DGKB: variants seen among roughly 807,000 people sequenced by gnomAD.
DGKB encodes the protein diacylglycerol kinase beta, also known as 90 kDa diacylglycerol kinase.
DGKB carries 67 observed loss-of-function variants against 114.3 expected under a neutral mutation model. That is an observed-to-expected ratio of 0.59 (90% CI 0.48 to 0.72). DGKB has a LOEUF of 0.72. Ranked by LOEUF, DGKB falls within the 30% of genes least tolerant of loss-of-function variation. The pLI, the probability that DGKB is intolerant of heterozygous loss-of-function variation, is 0.00. For missense variants in DGKB, 907 were observed against 975.2 expected, an observed-to-expected ratio of 0.93 and a Z score of 0.93; for synonymous variants, 398 against 323.1, an observed-to-expected ratio of 1.23 and a Z score of -2.49.
chr7:14,944,417 A>T (rs1785746804), intron 1 of DGKB, among the ~76,000 whole-genome samples: 1 of 151,980 alleles, frequency 6.6e-6, no homozygotes, highest in African/African-American at 2.4e-5. Context: ...ATCTAGAGTA[A>T]CTAAACATTG....
chr7:14,526,113 A>T (rs1790600088), intron 20 of DGKB, among the ~76,000 whole-genome samples: 1 of 152,190 alleles, frequency 6.6e-6, no homozygotes, highest in South Asian at 2.1e-4. Context: ...AATAATTTCA[A>T]GGAAAAAAAT....
chr7:14,551,644 T>G (rs1213410712), intron 20 of DGKB, among the ~76,000 whole-genome samples: 2 of 152,146 alleles, frequency 1.3e-5, no homozygotes, highest in Non-Finnish European at 2.9e-5. Flanking sequence ...ACAATTTATC[T>G]TGGTGGAAGC....
At chr7:14,263,207 T>A (rs1471425670) in intron 23 of DGKB, among the ~76,000 whole-genome samples, 1 of 152,190 alleles carries the variant, frequency 6.6e-6, no homozygotes, top group Non-Finnish European at 1.5e-5. Flanking sequence ...CCGAGTAAAC[T>A]GTGAGTTTGC....
chr7:14,970,899 C>G (rs1208578588), intron 1 of DGKB, among the ~76,000 whole-genome samples: 1 of 152,144 alleles, frequency 6.6e-6, no homozygotes, highest in East Asian at 1.9e-4. Flanking sequence ...TAGGATGGCA[C>G]AGATACCAGG....
chr7:14,862,751 C>T (rs1210453555), intron 1 of DGKB, among the ~76,000 whole-genome samples: 1 of 152,034 alleles, frequency 6.6e-6, no homozygotes, highest in African/African-American at 2.4e-5. Flanking sequence ...ATCAAGAACG[C>T]TTATAACTTC....
chr7:14,583,076 C>A lies in DGKB; in HGVS notation c.1495G>T (p.Val499Leu). ...CCTATGCAATCCAAAACCCAGCCCA[C>A]GGTTCCATCTCCACCACAGGCTAAC... is the stretch of plus-strand genomic sequence containing the variant. ...RVLACGGDGT[V>L]GWVLDCIEKA... Residue 499 changes from valine (V) to leucine (L), a missense_variant, in exon 18 of 26, where the codon GTG (valine) becomes TTG (leucine). This residue lies in a region of DGKB where 814 missense variants were observed against 856.6 expected (regional missense o/e 0.95). Coordinates refer to ENST00000402815, the MANE Select transcript of DGKB (RefSeq NM_001350709.2). 6.2e-7 allele frequency: 1 copy of A among 1,613,110 alleles called. No individual in the cohort carries two copies. Among genetic ancestry groups the A allele is most frequent in the East Asian group, 2.2e-5 (1 of 44,846 alleles).
At chr7:14,694,025 G>C (rs1240168004) in intron 9 of DGKB, 50 bp downstream of exon 9, 2 of 1,544,214 alleles carry the variant, frequency 1.3e-6, no homozygotes, top group East Asian at 2.4e-5. Context: ...GTGTAATAGA[G>C]AGCCCCACTG....
At chr7:14,777,132 T>C (rs903000616) in intron 2 of DGKB, among the ~76,000 whole-genome samples, 3 of 152,304 alleles carry the variant, frequency 2.0e-5, no homozygotes, top group Admixed American at 2.0e-4. Context: ...CAATTTCTTC[T>C]ATTTGGAAGA....
chr7:14,719,592 G>C (rs1828809383), intron 5 of DGKB, among the ~76,000 whole-genome samples: 1 of 151,886 alleles, frequency 6.6e-6, no homozygotes, highest in Admixed American at 6.6e-5. Context: ...AGGAGCTACT[G>C]TAAGGAATAA....
intron 21 of DGKB, among the ~76,000 whole-genome samples, chr7:14,446,211 G>A (rs942421981): frequency 7.9e-5 from 12 of 152,080 alleles, no homozygotes; most frequent in Admixed American, 6.6e-4. Flanking sequence ...GTAGACCCAA[G>A]AGCCAGACAA....
rs547537194 is a variant in DGKB, at chr7:14,972,888, G to A, written c.-188+1808C>T. Among the ~76,000 whole-genome samples, 80 of 152,168 alleles carry A rather than the reference G, an allele frequency of 5.3e-4. 1 individual carries two copies. The highest frequency in any genetic ancestry group is 1.5e-3 in the African/African-American group (64 of 41,560). On this transcript the variant is annotated intron_variant, in intron 1 of 4. Transcript: ENST00000437998. ...ACAAAGCATGTGAATGTGTGTTTGC[G>A]TATGTGTGTATACATACATATAGGT...
At chr7:14,499,069 T>C (rs1785727049) in intron 20 of DGKB, among the ~76,000 whole-genome samples, 1 of 151,750 alleles carries the variant, frequency 6.6e-6, no homozygotes, top group Non-Finnish European at 1.5e-5. Flanking sequence ...TTCTTAGAGA[T>C]GGGCATCATT....
At chr7:14,680,884 C>T (rs2128965769) in intron 12 of DGKB, among the ~76,000 whole-genome samples, 1 of 151,490 alleles carries the variant, frequency 6.6e-6, no homozygotes, top group African/African-American at 2.4e-5. Flanking sequence ...TTTTTAAGAA[C>T]TAAAAAAGAA....
chr7:14,310,489 T>C (rs2128504854), intron 23 of DGKB, among the ~76,000 whole-genome samples: 1 of 152,274 alleles, frequency 6.6e-6, no homozygotes, highest in Non-Finnish European at 1.5e-5. Context: ...GGAGTTCCTA[T>C]AGGCAAGACA....
intron 13 of DGKB, among the ~76,000 whole-genome samples, chr7:14,637,157 G>A (rs769059517): frequency 3.3e-5 from 5 of 151,886 alleles, no homozygotes; most frequent in East Asian, 1.9e-4. Flanking sequence ...TAAATAACCC[G>A]TGTACAAAGG....
chr7:14,896,518 T>C (rs887906118), intron 1 of DGKB, among the ~76,000 whole-genome samples: 15 of 151,674 alleles, frequency 9.9e-5, no homozygotes, highest in Non-Finnish European at 3.0e-5. Context: ...GATTTAGATT[T>C]CATTTAGAAC....
intron 25 of DGKB, among the ~76,000 whole-genome samples, chr7:14,163,668 T>A (rs1784226743): frequency 6.6e-6 from 1 of 152,120 alleles, no homozygotes; most frequent in Non-Finnish European, 1.5e-5. Context: ...ATTAATTTTC[T>A]CTCTTCAAAT....
Position 14,700,981 on chromosome 7 carries a change from A to G in DGKB, c.516+700T>C, listed in dbSNP as rs180920907. Among the ~76,000 whole-genome samples, 76 of 152,280 alleles carry G rather than the reference A, an allele frequency of 5.0e-4. 1 individual carries two copies. The East Asian group carries it at 0.012, about 24-fold the overall frequency. Reference sequence around the variant, plus strand: ...TAGAACCTGAGATGGAATTTCATGCATGGTACTGATCTGTGCACTAAGACT... The same window carrying G: ...TAGAACCTGAGATGGAATTTCATGCGTGGTACTGATCTGTGCACTAAGACT... On this transcript the variant is annotated intron_variant, in intron 7 of 25. Coordinates refer to ENST00000402815, the MANE Select transcript of DGKB (RefSeq NM_001350709.2).
intron 2 of DGKB, among the ~76,000 whole-genome samples, chr7:14,785,947 C>T (rs1416278183): frequency 6.7e-5 from 10 of 148,652 alleles, no homozygotes; most frequent in African/African-American, 2.5e-4. Context: ...AGTCATCTTT[C>T]AAGTTTTTAT....
Sources: gnomAD v4.1 joint callset for allele counts (sites outside exome capture counted in the v4.1 genomes callset) on GRCh38, gnomAD v4.1.1 for gene constraint, gnomAD v4.1.1 regional missense constraint, MANE v1.5 for transcripts, NCBI Gene and HGNC (gene_info 2026-07-23, HGNC 2026-07-21) for gene names.